Variants in GRAMD1A observed in about 807,000 individuals in gnomAD.
GRAMD1A encodes the protein protein Aster-A.
A neutral mutation model predicts 92.0 loss-of-function variants in GRAMD1A; 50 were observed. The observed-to-expected ratio is 0.54, with a 90% CI of 0.43 to 0.69. The LOEUF (loss-of-function observed/expected upper bound fraction) is 0.69, where lower values mean the gene tolerates loss of function less well. Ranked by LOEUF, GRAMD1A falls within the 30% of genes least tolerant of loss-of-function variation. The pLI is 0.00. For missense variants in GRAMD1A, 819 were observed against 978.9 expected (o/e 0.84, Z 2.18); for synonymous variants, 405 against 403.6 (o/e 1.00, Z -0.04).
Position 35,000,846 on chromosome 19 carries a change from C to G in GRAMD1A, c.8+360C>G, listed in dbSNP as rs1264415679. 2.6e-5 allele frequency among the ~76,000 whole-genome samples: 4 copies of G among 152,100 alleles called. No individual in the cohort carries two copies. The highest frequency in any genetic ancestry group is 5.9e-5 in the Non-Finnish European group (4 of 67,990). On this transcript the variant is annotated intron_variant, in intron 1 of 19. Transcript: ENST00000317991. This position sits in a 1 kb window ranked among gnomAD's most constrained non-coding sequence, Gnocchi z 4.9. ...AGCCAGGGGTGAGCGCGAGGCCGAACTGGGGCTCCGGCCTGGGATGGAGAC... is the reference window on the plus strand; with the variant it reads ...AGCCAGGGGTGAGCGCGAGGCCGAAGTGGGGCTCCGGCCTGGGATGGAGAC...
intron 1 of GRAMD1A, 68 bp from the exon 2 acceptor site, chr19:35,009,051 A>T: frequency 9.5e-7 from 1 of 1,053,032 alleles, no homozygotes. Context: ...GCCTCTGAAA[A>T]TAGGCCTGTC....
intron 3 of GRAMD1A, 76 bp from the exon 4 acceptor site, chr19:35,009,812 G>A (rs926846408): frequency 2.3e-6 from 2 of 870,208 alleles, no homozygotes; most frequent in Non-Finnish European, 4.0e-6. Flanking sequence ...GAGACTGAGG[G>A]GGTTCCAGGA....
upstream of GRAMD1A, among the ~76,000 whole-genome samples, chr19:34,997,449 T>C (rs887577400): frequency 1.3e-5 from 2 of 148,270 alleles, no homozygotes; most frequent in Non-Finnish European, 3.0e-5. Flanking sequence ...TAAACAAAAC[T>C]TCTGAAAAGA....
rs2015893436 is a variant in GRAMD1A at position 35,019,523 on chromosome 19, G to A, written c.1465G>A (p.Ala489Thr). The change falls in exon 13 of 20, where the codon GCG becomes ACG. Residue 489 changes from alanine (A) to threonine (T), a missense_variant. Ala to Thr is a moderately conservative substitution (Grantham distance 58). Coordinates refer to ENST00000317991, the MANE Select transcript of GRAMD1A (RefSeq NM_020895.5). The part of the protein sequence containing the change: ...YCILGLARNK[A>T]RLRVSSEIRY... ...CATCCTGGGTCTGGCCCGGAACAAGGCGCGGCTCCGGTGAGTGGTGGCTGG... is the reference window on the plus strand; with the variant it reads ...CATCCTGGGTCTGGCCCGGAACAAGACGCGGCTCCGGTGAGTGGTGGCTGG... The A allele has an allele frequency of 3.1e-6, 5 of 1,613,854 alleles. No individual in the cohort carries two copies. Among genetic ancestry groups the A allele is most frequent in the African/African-American group, 1.3e-5 (1 of 74,946 alleles).
Position 35,009,927 on chromosome 19 carries a change from C to T in GRAMD1A, c.280C>T (p.Arg94Trp), listed in dbSNP as rs766148365. Reference protein sequence around the residue: ...PTYKQRNEDFRKLFSKLPEAE... With the variant: ...PTYKQRNEDFWKLFSKLPEAE... ...TTATAAGCAGCGTAATGAGGACTTC[C>T]GGAAACTGTTCAGCAAACTCCCCGA... The change falls in exon 4 of 20, where the codon CGG becomes TGG. Residue 94 changes from arginine to tryptophan, a missense_variant. By Grantham distance (101) the Arg-to-Trp change is moderately radical. Coordinates refer to ENST00000317991, the MANE Select transcript of GRAMD1A (RefSeq NM_020895.5). 1.1e-5 allele frequency: 17 copies of T among 1,612,980 alleles called. No individual in the cohort carries two copies. Among genetic ancestry groups the T allele is most frequent in the African/African-American group, 1.3e-5 (1 of 74,874 alleles).
chr19:35,009,543 A>G (rs1309196856), intron 3 of GRAMD1A, 100 bp downstream of exon 3: 7 of 1,222,980 alleles, frequency 5.7e-6, no homozygotes, highest in Non-Finnish European at 8.5e-6. Context: ...GCTGAGATGG[A>G]GTGGGTGCAG....
chr19:35,009,702 TGCTTGGTACGGGGCCCG>T lies in GRAMD1A; in HGVS notation c.241-181_241-165del, dbSNP rs1034446237. On this transcript the variant is annotated intron_variant, in intron 3 of 19. Coordinates refer to ENST00000317991, the MANE Select transcript of GRAMD1A (RefSeq NM_020895.5). ...TGAATGAGTCAGTGATGCTGGTGGG[TGCTTGGTACGGGGCCCG>T]GCTTACATAAGAAATCTGTAAATGG... is the stretch of plus-strand genomic sequence containing the variant. 7.9e-6 allele frequency: 5 copies of T among 635,482 alleles called. No individual in the cohort carries two copies. The African/African-American group carries it at 9.1e-5, about 12-fold the overall frequency. The allele number at this position is 635,482 out of a possible 1,614,324, so 39.4% of individuals were successfully genotyped here.
chr19:35,023,112 C>T, intron 17 of GRAMD1A, 124 bp from the exon 18 acceptor site: 1 of 831,902 alleles, frequency 1.2e-6, no homozygotes, highest in East Asian at 2.4e-5. Context: ...GTCTCTCATC[C>T]TCTCTGAGCC....
At chr19:35,014,585 AGGCAGCTTGC>A in intron 10 of GRAMD1A, 198 bp downstream of exon 10, 1 of 602,704 alleles carries the variant, frequency 1.7e-6, no homozygotes, top group Non-Finnish European at 3.0e-6. Flanking sequence ...CACAGACTGA[AGGCAGCTTGC>A]CGCGGTTCAC....
chr19:34,996,343 TTCTC>T (rs990550245), upstream of GRAMD1A: 20 of 1,393,466 alleles, frequency 1.4e-5, no homozygotes, highest in African/African-American at 2.7e-4. Flanking sequence ...CTAGGGAGGG[TTCTC>T]TCTGTCAAGG....
intron 11 of GRAMD1A, 63 bp downstream of exon 11, chr19:35,016,030 T>G (rs1600315517): frequency 6.4e-7 from 1 of 1,561,520 alleles, no homozygotes; most frequent in Non-Finnish European, 8.7e-7. Flanking sequence ...TGAGGAAGGG[T>G]AGCCCAGGAC....
intron 1 of GRAMD1A, among the ~76,000 whole-genome samples, chr19:35,001,887 C>G (rs1199238932): frequency 1.3e-5 from 2 of 152,172 alleles, no homozygotes; most frequent in African/African-American, 4.8e-5. Context: ...GGATTACAGG[C>G]TTAAGCCATC....
At chr19:35,016,553 C>T (rs186108065) in intron 11 of GRAMD1A, among the ~76,000 whole-genome samples, 17 of 136,688 alleles carry the variant, frequency 1.2e-4, no homozygotes, top group Admixed American at 5.8e-4. Context: ...GCTGAGATCA[C>T]ACTGCACTCC....
chr19:35,015,785 T>A (rs756364480), intron 10 of GRAMD1A, 39 bp from the exon 11 acceptor site: 2 of 1,588,580 alleles, frequency 1.3e-6, no homozygotes, highest in Non-Finnish European at 1.7e-6. Context: ...GAGGGAGGAG[T>A]GGAGGCAGTC....
chr19:35,018,963 C>T (rs918458067), intron 11 of GRAMD1A, among the ~76,000 whole-genome samples: 4 of 151,884 alleles, frequency 2.6e-5, no homozygotes. Flanking sequence ...ATGCTCAGGG[C>T]AGAAGCCAAG....
rs1252965218 is a variant in GRAMD1A, at chr19:35,026,283, G to T, written c.*142G>T. 9 of 613,200 alleles carry T rather than the reference G, an allele frequency of 1.5e-5. No individual in the cohort carries two copies. The highest frequency in any genetic ancestry group is 9.0e-5 in the South Asian group (5 of 55,566). The allele number at this position is 613,200 out of a possible 1,614,324, so 38.0% of individuals were successfully genotyped here. A position where few individuals can be genotyped will look rare whatever the true frequency, so the allele number is the denominator to read the frequency against. Reference sequence around the variant, plus strand: ...CAACCAGGGGCTGTGCAGACGTGGGGACCACGGAACCGAGATGCACTTTAG... The same window carrying T: ...CAACCAGGGGCTGTGCAGACGTGGGTACCACGGAACCGAGATGCACTTTAG... On this transcript the variant is annotated 3_prime_UTR_variant, in exon 20 of 20. Coordinates refer to ENST00000317991, the MANE Select transcript of GRAMD1A (RefSeq NM_020895.5).
chr19:35,000,164 T>G (rs905098618), upstream of GRAMD1A: 188 of 1,007,524 alleles, frequency 1.9e-4, no homozygotes, highest in African/African-American at 2.9e-3. The surrounding 1 kb of genome is among the most constrained non-coding windows in gnomAD (Gnocchi z 4.9). Context: ...TGCTTTCCCT[T>G]CTCTGTCCAG....
chr19:35,006,549 TA>T (rs995087211), intron 1 of GRAMD1A, among the ~76,000 whole-genome samples: 1 of 152,232 alleles, frequency 6.6e-6, no homozygotes, highest in Non-Finnish European at 1.5e-5. Context: ...CAGTCCTTAT[TA>T]CAGTTCGTGT....
At chr19:35,017,853 T>C (rs924308086) in intron 11 of GRAMD1A, among the ~76,000 whole-genome samples, 2 of 152,198 alleles carry the variant, frequency 1.3e-5, no homozygotes, top group Non-Finnish European at 2.9e-5. Flanking sequence ...TATTTATAGA[T>C]ATTTCCTGTT....
Sources: gnomAD v4.1 joint callset for allele counts (sites outside exome capture counted in the v4.1 genomes callset) on GRCh38, gnomAD v4.1.1 for gene constraint, Gnocchi (gnomAD v3.1) non-coding constraint, MANE v1.5 for transcripts, NCBI Gene and HGNC (gene_info 2026-07-23, HGNC 2026-07-21) for gene names.